Variants in ZNF596 observed in about 807,000 individuals in gnomAD.
The protein encoded by ZNF596 is zinc finger protein 596.
In ZNF596, 45 loss-of-function variants were observed where a neutral mutation model predicts 48.3. That is an observed-to-expected ratio of 0.93 (90% confidence interval 0.73 to 1.19). The LOEUF is 1.19. Among genes scored for constraint, ZNF596 ranks in the 50% most tolerant of loss-of-function variants. ZNF596 has a pLI of 0.00. For missense variants in ZNF596, 848 were observed against 599.7 expected, an observed-to-expected ratio of 1.41 and a Z score of -4.32; for synonymous variants, 270 against 202.0, an observed-to-expected ratio of 1.34 and a Z score of -2.85.
intron 2 of ZNF596, among the ~76,000 whole-genome samples, chr8:242,213 G>A (rs190802967): frequency 6.6e-6 from 1 of 152,298 alleles, no homozygotes; most frequent in Admixed American, 6.5e-5. Context: ...GGCTTGTGCT[G>A]CTGAGCCATT....
chr8:241,384 G>C (rs1273290406), intron 2 of ZNF596, among the ~76,000 whole-genome samples: 1 of 152,054 alleles, frequency 6.6e-6, no homozygotes, highest in Non-Finnish European at 1.5e-5. Context: ...AAGCAGATAG[G>C]GTTAGGACAG....
At chr8:242,582 A>G (rs956070733) in intron 2 of ZNF596, among the ~76,000 whole-genome samples, 6 of 152,192 alleles carry the variant, frequency 3.9e-5, no homozygotes, top group African/African-American at 1.4e-4. Context: ...TTAGTTCTAA[A>G]TTTCCAAGTA....
rs1353688417 is a variant in ZNF596 at position 246,401 on chromosome 8, GACAA to G, written c.*43_*46del. The stretch of plus-strand genomic sequence containing the variant: ...TAGCGTTAACACTAAATACACCAAG[GACAA>G]ACATACTACAGGAATATTATGTCTG... On this transcript the variant is annotated 3_prime_UTR_variant, in exon 6 of 6. Transcript: ENST00000398612. 6.5e-7 allele frequency: 1 copy of G among 1,530,594 alleles called. No homozygotes were observed. Among genetic ancestry groups the G allele is most frequent in the East Asian group, 2.3e-5 (1 of 44,354 alleles). The allele number at this position is 1,530,594 out of a possible 1,614,324, so 94.8% of individuals were successfully genotyped here. A position where few individuals can be genotyped will look rare whatever the true frequency, so the allele number is the denominator to read the frequency against.
At chr8:235,871 G>T (rs1377971101) in intron 1 of ZNF596, among the ~76,000 whole-genome samples, 1 of 151,910 alleles carries the variant, frequency 6.6e-6, no homozygotes, top group Non-Finnish European at 1.5e-5. Flanking sequence ...AATAACATAG[G>T]TTACATGAAA....
In ZNF596 at chr8:246,363, G is replaced by T. The variant is rs755050997; in HGVS notation, c.*1G>T. 1 of 1,575,944 alleles carries T rather than the reference G, an allele frequency of 6.3e-7. No individual in the cohort carries two copies. The highest frequency in any genetic ancestry group is 1.9e-5 in the Admixed American group (1 of 52,708). ...CACTAAAAAAGCAATGAATATGTAAGAATCATCAGCTGTAGCGTTAACACT... is the reference window on the plus strand; with the variant it reads ...CACTAAAAAAGCAATGAATATGTAATAATCATCAGCTGTAGCGTTAACACT... On this transcript the variant is annotated 3_prime_UTR_variant, in exon 6 of 6. Coordinates refer to ENST00000398612, the MANE Select transcript of ZNF596 (RefSeq NM_001042416.3).
chr8:243,711 C>T lies in ZNF596; in HGVS notation c.140-11C>T. On this transcript the variant is annotated splice_polypyrimidine_tract_variant and intron_variant, in intron 3 of 5. Coordinates refer to ENST00000398612, the MANE Select transcript of ZNF596 (RefSeq NM_001042416.3). ...GAACTCAAAATCCATGTATCTTTTT[C>T]CCCAAAACAGGCAAACAGCTCTGCA... The T allele has an allele frequency of 6.2e-7, 1 of 1,612,630 alleles. No individual in the cohort carries two copies. The highest frequency in any genetic ancestry group is 8.5e-7 in the Non-Finnish European group (1 of 1,179,068).
At chr8:240,093 C>G (rs1796788876) in intron 1 of ZNF596, among the ~76,000 whole-genome samples, 2 of 152,190 alleles carry the variant, frequency 1.3e-5, no homozygotes, top group South Asian at 4.1e-4. Context: ...GGGATGAAAA[C>G]CAAACTATCT....
At chr8:245,120 C>G in intron 5 of ZNF596, 34 bp from the exon 6 acceptor site, 1 of 1,538,654 alleles carries the variant, frequency 6.5e-7, no homozygotes, top group African/African-American at 1.4e-5. Context: ...GTGGATAAAC[C>G]TTTAATAGTC....
In ZNF596 at chr8:232,596, C is replaced by T. The variant is rs1796449690; in HGVS notation, c.-171C>T. On this transcript the variant is annotated 5_prime_UTR_variant, in exon 1 of 6. Transcript: ENST00000398612. ...GAAGCCTGTCGCCCAGCTGCCAGAT[C>T]TGCGTCTGTGTCCGGTTCCGTCACT... The T allele has an allele frequency of 3.1e-6, 1 of 323,404 alleles. No homozygotes were observed. 20.0% of individuals were successfully genotyped at this position (323,404 alleles called of 1,614,324 possible).
intron 4 of ZNF596, chr8:244,389 C>T (rs541318180): frequency 7.5e-6 from 4 of 531,146 alleles, no homozygotes; most frequent in African/African-American, 3.9e-5. Flanking sequence ...TATAATGGTC[C>T]TCTTCTTTGA....
At chr8:241,248 G>A (rs1796843413) in intron 2 of ZNF596, among the ~76,000 whole-genome samples, 1 of 152,140 alleles carries the variant, frequency 6.6e-6, no homozygotes, top group African/African-American at 2.4e-5. Context: ...ATTGGCAGGA[G>A]TGGGCTTGAG....
intron 1 of ZNF596, among the ~76,000 whole-genome samples, chr8:239,546 C>A (rs1382492029): frequency 6.6e-6 from 1 of 152,064 alleles, no homozygotes; most frequent in Admixed American, 6.6e-5. Context: ...CTCACAGAAC[C>A]CAGGAAAACA....
chr8:243,701 G>T, intron 3 of ZNF596, 21 bp from the exon 4 acceptor site: 4 of 1,611,602 alleles, frequency 2.5e-6, no homozygotes, highest in Non-Finnish European at 3.4e-6. Flanking sequence ...CAAAATCCAT[G>T]TATCTTTTTC....
rs764733962 is a variant in ZNF596 at position 245,605 on chromosome 8, G to A, written c.758G>A (p.Cys253Tyr). Residue 253 changes from cysteine (C) to tyrosine (Y), a missense_variant, in exon 6 of 6, where the codon TGT becomes TAT. Transcript: ENST00000398612. ...CACACTGGAGAGAAGCCATATGGAT[G>A]TCATCTATGTGGGAAAGCCTTCAGT... is the stretch of plus-strand genomic sequence containing the variant. The part of the protein sequence containing the change: ...RTHTGEKPYG[C>Y]HLCGKAFSKS... 8.7e-6 allele frequency: 14 copies of A among 1,614,142 alleles called. No homozygotes were observed. Among genetic ancestry groups the A allele is most frequent in the Non-Finnish European group, 1.2e-5 (14 of 1,180,018 alleles).
chr8:246,244 G>C lies in ZNF596; in HGVS notation c.1397G>C (p.Arg466Thr), dbSNP rs1006272278. 1.2e-6 allele frequency: 2 copies of C among 1,611,392 alleles called. No individual in the cohort carries two copies. Among genetic ancestry groups the C allele is most frequent in the East Asian group, 4.5e-5 (2 of 44,672 alleles). ...AGAAGTTACAACTTTAGACTTCATA[G>C]AAGAGTTCACACTGGAGAGAAACCA... ...FNRSYNFRLH[R>T]RVHTGEKPYV... The change falls in exon 6 of 6, where the codon AGA becomes ACA. Residue 466 changes from arginine (R) to threonine (T), a missense_variant. Arg to Thr is a moderately conservative substitution (Grantham distance 71). Transcript: ENST00000398612.
chr8:245,712 A>G lies in ZNF596; in HGVS notation c.865A>G (p.Thr289Ala), dbSNP rs1389233842. 3 of 1,614,162 alleles carry G rather than the reference A, an allele frequency of 1.9e-6. No individual in the cohort carries two copies. In the Admixed American group the frequency reaches 5.0e-5, roughly 27 times the overall value. The change falls in exon 6 of 6, where the codon ACT becomes GCT. Residue 289 changes from threonine to alanine, a missense_variant. Physicochemically the swap from Thr to Ala is moderately conservative, Grantham distance 58. Transcript: ENST00000398612. ...ATGCCATCTATGTGGGAAAGCCTTC[A>G]CTCATTGCTCTGACCTTAGAAAACA... ...QICHLCGKAFTHCSDLRKHER... is the reference protein window; with the variant it reads ...QICHLCGKAFAHCSDLRKHER...
At position 246,289 on chromosome 8, in the gene ZNF596, G is replaced by C; in HGVS notation, c.1442G>C (p.Gly481Ala). 6.2e-7 allele frequency: 1 copy of C among 1,608,444 alleles called. No homozygotes were observed. Among genetic ancestry groups the C allele is most frequent in the Non-Finnish European group, 8.5e-7 (1 of 1,178,476 alleles). ...GEKPYVCPLC[G>A]KAFSKFFNLR... ...AAACCATATGTATGTCCTCTATGTG[G>C]GAAAGCCTTTAGTAAATTTTTTAAC... Residue 481 changes from glycine to alanine, a missense_variant, in exon 6 of 6, where the codon GGG (glycine) becomes GCG (alanine). Coordinates refer to ENST00000398612, the MANE Select transcript of ZNF596 (RefSeq NM_001042416.3).
rs532768253 is a variant in ZNF596 at position 247,059 on chromosome 8, G to C, written c.*697G>C. The C allele has an allele frequency of 6.6e-6, 1 of 152,272 alleles. No homozygotes were observed. Among genetic ancestry groups the C allele is most frequent in the Admixed American group, 6.5e-5 (1 of 15,296 alleles). 9.4% of individuals were successfully genotyped at this position (152,272 alleles called of 1,614,324 possible). On this transcript the variant is annotated 3_prime_UTR_variant, in exon 6 of 6. Transcript: ENST00000398612. ...GTCAATACCAGCATTTTTCCAGTGA[G>C]AAAACTATCTTGACAGGATAGTGGA...
In ZNF596 at chr8:246,486, A is replaced by G. The variant is rs1461352483; in HGVS notation, c.*124A>G. 7.9e-7 allele frequency: 1 copy of G among 1,258,584 alleles called. No individual in the cohort carries two copies. The highest frequency in any genetic ancestry group is 1.5e-5 in the African/African-American group (1 of 66,884). The allele number at this position is 1,258,584 out of a possible 1,614,324, so 78.0% of individuals were successfully genotyped here. A position where few individuals can be genotyped will look rare whatever the true frequency, so the allele number is the denominator to read the frequency against. On this transcript the variant is annotated 3_prime_UTR_variant, in exon 6 of 6. Transcript: ENST00000398612. Reference sequence around the variant, plus strand: ...TTACCACTTTGCTCAACCTAAATGAATTCAAGGTAGAGAGAATCCAGATGT... The same window carrying G: ...TTACCACTTTGCTCAACCTAAATGAGTTCAAGGTAGAGAGAATCCAGATGT...
Sources: allele counts gnomAD v4.1 joint callset (sites outside exome capture counted in the v4.1 genomes callset), GRCh38; gene constraint gnomAD v4.1.1; transcripts MANE v1.5; gene names NCBI Gene and HGNC (gene_info 2026-07-23, HGNC 2026-07-21).